FAM240A: variants seen among roughly 807,000 people sequenced by gnomAD.
FAM240A encodes protein FAM240A.
Under a neutral mutation model 7.3 loss-of-function variants are expected in FAM240A, and 8 were observed. The ratio of observed to expected loss-of-function variants is 1.09; its 90% CI spans 0.64 to 1.97. FAM240A has a LOEUF of 1.97. Ranked by LOEUF, FAM240A falls within the 30% of genes most tolerant of loss-of-function variation. The pLI is 0.00. For missense variants in FAM240A, 90 were observed against 102.2 expected (o/e 0.88, Z 0.52); for synonymous variants, 32 against 35.9 (o/e 0.89, Z 0.38).
chr3:46,614,407 G>A (rs547148359), intron 1 of FAM240A, among the ~76,000 whole-genome samples: 17 of 152,290 alleles, frequency 1.1e-4, no homozygotes, highest in South Asian at 4.1e-4. Flanking sequence ...AAAGTGAAAT[G>A]CATTTTTTCT....
At chr3:46,624,465 T>C (rs566485150) in intron 2 of FAM240A, among the ~76,000 whole-genome samples, 8 of 151,874 alleles carry the variant, frequency 5.3e-5, no homozygotes, top group Non-Finnish European at 1.2e-4. Flanking sequence ...AGAGACAGGG[T>C]TTCACCATAT....
chr3:46,625,125 C>A lies in FAM240A; in HGVS notation c.162-3C>A. ...CATCTGTGTGTTTGGTTTCTATTTT[C>A]AGGCTCAGAGAAGAATGGAAGCAGA... On this transcript the variant is annotated splice_region_variant and splice_polypyrimidine_tract_variant and intron_variant, in intron 2 of 2. Transcript: ENST00000640551. The A allele has an allele frequency of 6.5e-7, 1 of 1,533,272 alleles. No homozygotes were observed. Among genetic ancestry groups the A allele is most frequent in the South Asian group, 1.2e-5 (1 of 83,902 alleles). 95.0% of individuals were successfully genotyped at this position (1,533,272 alleles called of 1,614,324 possible).
intron 1 of FAM240A, among the ~76,000 whole-genome samples, chr3:46,613,777 G>T (rs1158657904): frequency 6.6e-6 from 1 of 152,176 alleles, no homozygotes; most frequent in Non-Finnish European, 1.5e-5. Flanking sequence ...CACCCTCCTT[G>T]TGTGTCCCAT....
intron 2 of FAM240A, among the ~76,000 whole-genome samples, chr3:46,623,054 G>T (rs2107148014): frequency 6.6e-6 from 1 of 152,164 alleles, no homozygotes; most frequent in Non-Finnish European, 1.5e-5. Context: ...GCAATGGTTT[G>T]CAGTTTTCAG....
rs186252375 is a variant in FAM240A, at chr3:46,617,222, C to T, written c.55C>T (p.Arg19Trp). 5,438 of 1,534,008 alleles carry T rather than the reference C, an allele frequency of 3.5e-3. 11 individuals are homozygous for T. Among genetic ancestry groups the T allele is most frequent in the Non-Finnish European group, 3.8e-3 (4,356 of 1,145,950 alleles). Residue 19 changes from arginine (R) to tryptophan (W), a missense_variant, in exon 2 of 3, where the codon CGG (arginine) becomes TGG (tryptophan). Transcript: ENST00000640551. ...ATACACCCGTCGGGAGGTCTTCTGC[C>T]GGAACACCTGCCATGATCTCAAGCA... The part of the protein sequence containing the change: ...NQYTRREVFC[R>W]NTCHDLKHFW...
rs1057129473 is a variant in FAM240A, at chr3:46,612,552, C to A, written c.-132C>A. On this transcript the variant is annotated 5_prime_UTR_variant, in exon 1 of 3. Transcript: ENST00000640551. ...ATTGCTGGCACAGCGTTAAGGCTTG[C>A]GAGGGACAAATGTTCCTTTGTTCTT... 5.6e-6 allele frequency: 4 copies of A among 720,232 alleles called. No individual in the cohort carries two copies. The highest frequency in any genetic ancestry group is 2.7e-5 in the East Asian group (1 of 36,814). 44.6% of individuals were successfully genotyped at this position (720,232 alleles called of 1,614,324 possible). A position where few individuals can be genotyped will look rare whatever the true frequency, so the allele number is the denominator to read the frequency against.
chr3:46,615,838 A>G (rs1023507555), intron 1 of FAM240A, among the ~76,000 whole-genome samples: 2 of 150,220 alleles, frequency 1.3e-5, no homozygotes, highest in African/African-American at 4.9e-5. Context: ...ACAAGAGCCC[A>G]CATGTGTGCA....
At chr3:46,617,127 G>A in intron 1 of FAM240A, 56 bp from the exon 2 acceptor site, 1 of 1,172,876 alleles carries the variant, frequency 8.5e-7, no homozygotes, top group Non-Finnish European at 1.2e-6. Flanking sequence ...GATGAGTGAT[G>A]TTGAGCATTT....
At chr3:46,622,529 A>C (rs566987738) in intron 2 of FAM240A, among the ~76,000 whole-genome samples, 2 of 152,314 alleles carry the variant, frequency 1.3e-5, no homozygotes, top group East Asian at 3.9e-4. Context: ...TTTTACATTT[A>C]GATTAATAAT....
chr3:46,613,491 C>CTAAA (rs148622433), intron 1 of FAM240A, among the ~76,000 whole-genome samples: 6,139 of 137,862 alleles, frequency 0.045, 168 homozygotes, highest in African/African-American at 0.064. Context: ...GAAACTCCTT[C>CTAAA]TAAATAAATA....
In FAM240A at chr3:46,616,519, C is replaced by T. The variant is rs563922271; in HGVS notation, c.16-664C>T. ...TCTGAGTCTCCAATGCCCATTATAC[C>T]ACTCTGTTTGCCTTTATAAACCCGT... is the stretch of plus-strand genomic sequence containing the variant. On this transcript the variant is annotated intron_variant, in intron 1 of 2. Transcript: ENST00000640551. Among the ~76,000 whole-genome samples, 15 of 152,240 alleles carry T rather than the reference C, an allele frequency of 9.9e-5. No homozygotes were observed. The East Asian group carries it at 1.9e-3, about 20-fold the overall frequency.
At position 46,617,202 on chromosome 3, in the gene FAM240A, C is replaced by T; in HGVS notation, c.35C>T (p.Thr12Ile). The stretch of plus-strand genomic sequence containing the variant: ...TTTTAGGGGATGAACAATCAATACA[C>T]CCGTCGGGAGGTCTTCTGCCGGAAC... ...RLFSGMNNQY[T>I]RREVFCRNTC... Residue 12 changes from threonine (T) to isoleucine (I), a missense_variant, in exon 2 of 3, where the codon ACC (threonine) becomes ATC (isoleucine). Transcript: ENST00000640551. 1 of 1,532,376 alleles carries T rather than the reference C, an allele frequency of 6.5e-7. No homozygotes were observed. Among genetic ancestry groups the T allele is most frequent in the Non-Finnish European group, 8.7e-7 (1 of 1,145,500 alleles). 94.9% of individuals were successfully genotyped at this position (1,532,376 alleles called of 1,614,324 possible). A position where few individuals can be genotyped will look rare whatever the true frequency, so the allele number is the denominator to read the frequency against.
chr3:46,625,057 GAAGA>G (rs1697741155), intron 2 of FAM240A, 67 bp from the exon 3 acceptor site: 1 of 1,164,532 alleles, frequency 8.6e-7, no homozygotes, highest in Non-Finnish European at 1.2e-6. Context: ...GGGAGGACAG[GAAGA>G]AAGCTCTCCT....
chr3:46,619,767 G>T (rs1697674411), intron 2 of FAM240A, among the ~76,000 whole-genome samples: 1 of 152,190 alleles, frequency 6.6e-6, no homozygotes, highest in South Asian at 2.1e-4. Context: ...ATCTCTCAGG[G>T]AAGAGAGAGT....
intron 2 of FAM240A, among the ~76,000 whole-genome samples, chr3:46,619,923 C>T: frequency 6.6e-6 from 1 of 152,148 alleles, no homozygotes; most frequent in East Asian, 1.9e-4. Context: ...CTCCAAAGTC[C>T]CTACTGCAGT....
At chr3:46,621,849 A>G (rs1697698567) in intron 2 of FAM240A, among the ~76,000 whole-genome samples, 1 of 150,856 alleles carries the variant, frequency 6.6e-6, no homozygotes, top group African/African-American at 2.4e-5. Context: ...TGGTGAGTTT[A>G]GTCCTTTTTC....
At chr3:46,618,578 C>T (rs1364124342) in intron 2 of FAM240A, among the ~76,000 whole-genome samples, 11 of 152,096 alleles carry the variant, frequency 7.2e-5, no homozygotes, top group Non-Finnish European at 1.3e-4. Flanking sequence ...CGGTGACTCA[C>T]GCCTGTAATC....
intron 1 of FAM240A, 41 bp from the exon 2 acceptor site, chr3:46,617,142 A>C: frequency 7.5e-7 from 1 of 1,324,654 alleles, no homozygotes; most frequent in Non-Finnish European, 1.0e-6. Context: ...GCATTTCTTC[A>C]TATGTTTTTT....
rs1442955188 is a variant in FAM240A at position 46,617,281 on chromosome 3, C to T, written c.114C>T (p.Tyr38=). 6.5e-7 allele frequency: 1 copy of T among 1,535,394 alleles called. No homozygotes were observed. The highest frequency in any genetic ancestry group is 2.0e-5 in the Admixed American group (1 of 50,948). Residue 38 remains tyrosine, a synonymous_variant, in exon 2 of 3, where the codon TAC becomes TAT. Transcript: ENST00000640551. The stretch of plus-strand genomic sequence containing the variant: ...AAAGGGAAATTGGCAAACAGACTTA[C>T]TACCGAGAATCAGAGGAACGTCGTC... ...FWEREIGKQT[Y]YRESEERRLG... is the part of the protein sequence containing the mutation.
Sources: gnomAD v4.1 joint callset for allele counts (sites outside exome capture counted in the v4.1 genomes callset) on GRCh38, gnomAD v4.1.1 for gene constraint, MANE v1.5 for transcripts, NCBI Gene and HGNC (gene_info 2026-07-23, HGNC 2026-07-21) for gene names.